SHPRH: variants seen among roughly 807,000 people sequenced by gnomAD.
SHPRH encodes the protein E3 ubiquitin-protein ligase SHPRH.
A neutral mutation model predicts 202.5 loss-of-function variants in SHPRH; 106 were observed. The ratio of observed to expected loss-of-function variants is 0.52; its 90% confidence interval spans 0.45 to 0.62. The LOEUF (loss-of-function observed/expected upper bound fraction) is 0.62. SHPRH is among the 20% of genes least tolerant of loss of function. The pLI is 0.00. For missense variants in SHPRH, 1,710 were observed against 2,020.0 expected, an observed-to-expected ratio of 0.85 and a Z score of 2.94; for synonymous variants, 729 against 686.0, an observed-to-expected ratio of 1.06 and a Z score of -0.98.
At chr6:145,896,299 G>T (rs1307829552) in intron 25 of SHPRH, among the ~76,000 whole-genome samples, 1 of 151,988 alleles carries the variant, frequency 6.6e-6, no homozygotes, top group African/African-American at 2.4e-5. Flanking sequence ...AGAGCGAAGA[G>T]AAAATAGGAA....
intron 14 of SHPRH, among the ~76,000 whole-genome samples, chr6:145,929,841 T>G (rs1174402650): frequency 6.6e-6 from 1 of 152,100 alleles, no homozygotes; most frequent in Non-Finnish European, 1.5e-5. Flanking sequence ...ATTTACATTG[T>G]GAGCAGGTTG....
At position 145,911,167 on chromosome 6, in the gene SHPRH, G is replaced by A. The variant is rs185735420; in HGVS notation, c.4327-531C>T. Among the ~76,000 whole-genome samples, 13 of 151,996 alleles carry A rather than the reference G, an allele frequency of 8.6e-5. No homozygotes were observed. In the East Asian group the frequency reaches 2.5e-3, roughly 29 times the overall value. On this transcript the variant is annotated intron_variant, in intron 24 of 29. Coordinates refer to ENST00000275233, the MANE Select transcript of SHPRH (RefSeq NM_001042683.3). Reference sequence around the variant, plus strand: ...ATTTTTTAGACATTCTTGCTCTGTCGCCCAGACTGGAGTGCAAATGATGCG... The same window carrying A: ...ATTTTTTAGACATTCTTGCTCTGTCACCCAGACTGGAGTGCAAATGATGCG...
Position 145,943,622 on chromosome 6 carries a change from CTTTT to C in SHPRH, c.1755_1758del (p.Lys586GlufsTer23). On this transcript the variant is annotated frameshift_variant, in exon 9 of 30. Coordinates refer to ENST00000275233, the MANE Select transcript of SHPRH (RefSeq NM_001042683.3). LOFTEE classifies it high-confidence loss of function. Reference sequence around the variant, plus strand: ...GGATTGATAAATGGTTGACTTTTTCCTTTTTTTGTGGATGGAACAAGCTTTTTCC... The same window carrying C: ...GGATTGATAAATGGTTGACTTTTTCCTTTGTGGATGGAACAAGCTTTTTCC... The C allele has an allele frequency of 6.2e-7, 1 of 1,613,694 alleles. No homozygotes were observed. The highest frequency in any genetic ancestry group is 8.5e-7 in the Non-Finnish European group (1 of 1,179,828).
intron 25 of SHPRH, among the ~76,000 whole-genome samples, chr6:145,901,424 T>TA (rs1212504036): frequency 6.6e-5 from 10 of 151,938 alleles, no homozygotes; most frequent in African/African-American, 1.2e-4. Context: ...TTCACATTGT[T>TA]AAAAAAAGAT....
intron 2 of SHPRH, among the ~76,000 whole-genome samples, chr6:145,878,814 C>T (rs564294219): frequency 6.6e-6 from 1 of 152,108 alleles, no homozygotes; most frequent in Non-Finnish European, 1.5e-5. Flanking sequence ...CGGAGCAGAG[C>T]CATCATTTTT....
At chr6:145,951,401 A>G (rs1013818116) in intron 3 of SHPRH, among the ~76,000 whole-genome samples, 13 of 152,198 alleles carry the variant, frequency 8.5e-5, no homozygotes, top group African/African-American at 2.9e-4. Flanking sequence ...TCCAATAAAT[A>G]TGCCATGTAA....
intron 11 of SHPRH, among the ~76,000 whole-genome samples, chr6:145,937,972 TTATC>T (rs1786300257): frequency 6.6e-6 from 1 of 152,220 alleles, no homozygotes; most frequent in Non-Finnish European, 1.5e-5. Flanking sequence ...AATTTAATAT[TTATC>T]TAAGTATTTA....
rs1789368043 is a variant in SHPRH, at chr6:145,963,864, T to C, written c.-166A>G. 2 of 152,202 alleles carry C rather than the reference T, an allele frequency of 1.3e-5. No individual in the cohort carries two copies. The highest frequency in any genetic ancestry group is 2.9e-5 in the Non-Finnish European group (2 of 68,056). The allele number at this position is 152,202 out of a possible 1,614,324, so 9.4% of individuals were successfully genotyped here. Reference sequence around the variant, plus strand: ...AGCGTGACGACGGACTCCCGGATCCTAGTGTGTTGGACGCTCGAGACAAAC... The same window carrying C: ...AGCGTGACGACGGACTCCCGGATCCCAGTGTGTTGGACGCTCGAGACAAAC... On this transcript the variant is annotated 5_prime_UTR_variant, in exon 1 of 30. It removes the in-frame stop codon of an upstream open reading frame in the 5' UTR. Transcript: ENST00000275233.
At chr6:145,875,533 T>C (rs182225076) in intron 2 of SHPRH, among the ~76,000 whole-genome samples, 8 of 152,314 alleles carry the variant, frequency 5.3e-5, no homozygotes, top group African/African-American at 1.2e-4. Flanking sequence ...GTTGTATTTC[T>C]AGAACAGGGA....
At chr6:145,957,028 T>C (rs1369705849) in intron 1 of SHPRH, among the ~76,000 whole-genome samples, 1 of 152,084 alleles carries the variant, frequency 6.6e-6, no homozygotes, top group African/African-American at 2.4e-5. Flanking sequence ...GGTGCAGTAG[T>C]GGTGTAAAGA....
At chr6:145,951,975 T>C (rs1443442408) in intron 3 of SHPRH, 1 of 440,232 alleles carries the variant, frequency 2.3e-6, no homozygotes, top group African/African-American at 2.0e-5. Context: ...ACCAGGCTTT[T>C]GAAATTATTT....
At chr6:145,869,287 C>T (rs1157728111) in intron 2 of SHPRH, among the ~76,000 whole-genome samples, 139 of 152,262 alleles carry the variant, frequency 9.1e-4, no homozygotes, top group Non-Finnish European at 1.8e-4. Context: ...TTCTCCCATT[C>T]TGTAGCTTGT....
rs539445589 is a variant in SHPRH, at chr6:145,938,157, T to A, written c.2569+2566A>T. Reference sequence around the variant, plus strand: ...TATTAGGAGGTGGGGCCTAATTATATGTGACTCAGTCATGAGGGTGGAACC... The same window carrying A: ...TATTAGGAGGTGGGGCCTAATTATAAGTGACTCAGTCATGAGGGTGGAACC... On this transcript the variant is annotated intron_variant, in intron 11 of 29. Coordinates refer to ENST00000275233, the MANE Select transcript of SHPRH (RefSeq NM_001042683.3). Among the ~76,000 whole-genome samples the A allele has an allele frequency of 5.3e-4, 81 of 152,260 alleles. 2 individuals carry two copies. The South Asian group carries it at 0.014, about 27-fold the overall frequency.
intron 2 of SHPRH, among the ~76,000 whole-genome samples, chr6:145,876,366 C>A (rs1355528480): frequency 6.6e-6 from 1 of 152,052 alleles, no homozygotes; most frequent in East Asian, 1.9e-4. Context: ...AGAGTGAGAA[C>A]CCATCCTCTA....
At chr6:145,934,684 C>G (rs926383985) in intron 13 of SHPRH, among the ~76,000 whole-genome samples, 6 of 150,786 alleles carry the variant, frequency 4.0e-5, no homozygotes, top group African/African-American at 1.5e-4. Context: ...AAACAAACAA[C>G]AACAAAAAAA....
At chr6:145,887,198 A>C (rs1449996011) in intron 29 of SHPRH, among the ~76,000 whole-genome samples, 1 of 152,184 alleles carries the variant, frequency 6.6e-6, no homozygotes, top group Admixed American at 6.5e-5. Flanking sequence ...CAAGAACTTT[A>C]AAAAGCCTTC....
intron 1 of SHPRH, among the ~76,000 whole-genome samples, chr6:145,961,417 C>G (rs1207649819): frequency 6.6e-6 from 1 of 152,166 alleles, no homozygotes; most frequent in Admixed American, 6.5e-5. Flanking sequence ...CCACTTATTT[C>G]CACTCAAAGT....
chr6:145,888,859 G>C (rs1781340131), intron 28 of SHPRH, among the ~76,000 whole-genome samples: 1 of 152,112 alleles, frequency 6.6e-6, no homozygotes, highest in South Asian at 2.1e-4. Context: ...ATCTTTTGGA[G>C]GTAGAGCTGA....
At chr6:145,864,291 A>G (rs1045730591) in exon 3 of SHPRH, 14 of 336,012 alleles carry the variant, frequency 4.2e-5, no homozygotes, top group African/African-American at 3.0e-4. Context: ...TTACTGAATA[A>G]GCCCCATAAT....
Sources: allele counts gnomAD v4.1 joint callset (sites outside exome capture counted in the v4.1 genomes callset), GRCh38; gene constraint gnomAD v4.1.1; transcripts MANE v1.5; gene names NCBI Gene and HGNC (gene_info 2026-07-23, HGNC 2026-07-21).